The following CNOT4 variants were observed in gnomAD, a reference collection of about 807,000 sequenced individuals.
CNOT4 encodes the protein CCR4-NOT transcription complex subunit 4.
Under a neutral mutation model 73.8 loss-of-function variants are expected in CNOT4, and 8 were observed. The ratio of observed to expected loss-of-function variants is 0.11; its 90% CI spans 0.06 to 0.20. CNOT4 has a LOEUF of 0.20. CNOT4 is among the 10% of genes least tolerant of loss of function. The pLI, the probability that CNOT4 is intolerant of heterozygous loss-of-function variation, is 1.00. For missense variants in CNOT4, 564 were observed against 883.4 expected (o/e 0.64, Z 4.58); for synonymous variants, 293 against 321.1 (o/e 0.91, Z 0.94).
At chr7:135,450,306 A>C (rs976387427) in intron 1 of CNOT4, among the ~76,000 whole-genome samples, 1 of 152,148 alleles carries the variant, frequency 6.6e-6, no homozygotes, top group Non-Finnish European at 1.5e-5. Context: ...CCAGGAGGAC[A>C]GTCAGAAATT....
rs1343110124 is a variant in CNOT4 at position 135,504,738 on chromosome 7, G to A, written c.-93+5151C>T. On this transcript the variant is annotated intron_variant, in intron 1 of 11. Transcript: ENST00000541284. ...CCTGATCTCGTGATCCGCCCGCCTC[G>A]GCCTCCCAAAGTGCTGGGATTACAG... 2.6e-5 allele frequency among the ~76,000 whole-genome samples: 3 copies of A among 117,440 alleles called. 1 individual carries two copies. The highest frequency in any genetic ancestry group is 2.7e-4 in the South Asian group (1 of 3,772). The allele number at this position is 117,440 out of a possible 152,430, so 77.0% of individuals were successfully genotyped here.
At chr7:135,396,282 T>C (rs1450727774) in intron 8 of CNOT4, among the ~76,000 whole-genome samples, 1 of 151,892 alleles carries the variant, frequency 6.6e-6, no homozygotes, top group African/African-American at 2.4e-5. Context: ...CACGCCCGGC[T>C]AATTTTTTGT....
intron 6 of CNOT4, among the ~76,000 whole-genome samples, chr7:135,412,649 C>A (rs1797649238): frequency 1.3e-5 from 2 of 151,848 alleles, no homozygotes; most frequent in Non-Finnish European, 2.9e-5. Flanking sequence ...AGGTAATACT[C>A]CATTTAACAA....
At chr7:135,415,986 T>C (rs1440992244) in intron 3 of CNOT4, among the ~76,000 whole-genome samples, 1 of 152,190 alleles carries the variant, frequency 6.6e-6, no homozygotes, top group African/African-American at 2.4e-5. Flanking sequence ...GTGAACACTA[T>C]ATGCATTCTT....
At chr7:135,441,106 T>C (rs1475698857) in intron 1 of CNOT4, among the ~76,000 whole-genome samples, 2 of 152,166 alleles carry the variant, frequency 1.3e-5, no homozygotes, top group Non-Finnish European at 2.9e-5. Flanking sequence ...TGTATGCATA[T>C]ATATTTGTTT....
chr7:135,449,285 C>A (rs889540277), intron 1 of CNOT4, among the ~76,000 whole-genome samples: 9 of 152,108 alleles, frequency 5.9e-5, no homozygotes, highest in African/African-American at 2.2e-4. Context: ...TTCTGAGGTA[C>A]GTGAAATATT....
At chr7:135,388,395 C>A in intron 10 of CNOT4, 1 of 983,766 alleles carries the variant, frequency 1.0e-6, no homozygotes, top group Non-Finnish European at 1.2e-6. Flanking sequence ...TGTTAATTTG[C>A]AAATTTTTCA....
chr7:135,364,169 T>G lies in CNOT4; in HGVS notation c.1628-103A>C. 1.1e-6 allele frequency: 1 copy of G among 905,074 alleles called. No homozygotes were observed. Among genetic ancestry groups the G allele is most frequent in the Non-Finnish European group, 1.7e-6 (1 of 594,992 alleles). The allele number at this position is 905,074 out of a possible 1,614,324, so 56.1% of individuals were successfully genotyped here. On this transcript the variant is annotated intron_variant, in intron 10 of 11. Coordinates refer to ENST00000541284, the MANE Select transcript of CNOT4 (RefSeq NM_001190850.2). The surrounding 1 kb of genome is among the most constrained non-coding windows in gnomAD (Gnocchi z 4.3). ...TGGTTAAGCGGGAGAAGAATTATTC[T>G]TTCTTTATTGAGCATTTAAAATGGG...
At chr7:135,433,554 C>T (rs1233968041) in intron 2 of CNOT4, among the ~76,000 whole-genome samples, 2 of 151,520 alleles carry the variant, frequency 1.3e-5, no homozygotes, top group Non-Finnish European at 1.5e-5. Context: ...GATGAGGCCT[C>T]GCCATGTTAC....
At chr7:135,384,735 T>A (rs767784145) in intron 10 of CNOT4, 1 of 765,264 alleles carries the variant, frequency 1.3e-6, no homozygotes, top group Non-Finnish European at 2.4e-6. Context: ...GGTCTGCCTT[T>A]AAATATTTAG....
intron 1 of CNOT4, among the ~76,000 whole-genome samples, chr7:135,472,612 C>T (rs1158776993): frequency 7.9e-6 from 1 of 126,542 alleles, no homozygotes; most frequent in African/African-American, 3.0e-5. Flanking sequence ...TTAACCCTTT[C>T]GAATTGTCCC....
At chr7:135,503,429 C>T (rs1804134545) in intron 1 of CNOT4, among the ~76,000 whole-genome samples, 1 of 151,468 alleles carries the variant, frequency 6.6e-6, no homozygotes, top group South Asian at 2.1e-4. Context: ...TGCCACTGCA[C>T]TCCAGCCTGG....
chr7:135,479,903 A>C (rs775448821), intron 1 of CNOT4, among the ~76,000 whole-genome samples: 5 of 152,188 alleles, frequency 3.3e-5, no homozygotes, highest in Non-Finnish European at 7.4e-5. Flanking sequence ...AAAACAAAAC[A>C]AAACAAAAAG....
chr7:135,507,652 CCAGA>C (rs935860227), intron 1 of CNOT4, among the ~76,000 whole-genome samples: 8 of 152,270 alleles, frequency 5.3e-5, no homozygotes, highest in South Asian at 4.2e-4. Flanking sequence ...CTCCCTTCTA[CCAGA>C]CAAACAATCC....
intron 10 of CNOT4, among the ~76,000 whole-genome samples, chr7:135,372,508 G>C (rs1484798834): frequency 6.6e-6 from 1 of 151,794 alleles, no homozygotes; most frequent in Non-Finnish European, 1.5e-5. Context: ...AACTTCAGTA[G>C]GTACTGTATG....
At chr7:135,433,591 CA>C (rs1247240618) in intron 2 of CNOT4, among the ~76,000 whole-genome samples, 1 of 152,068 alleles carries the variant, frequency 6.6e-6, no homozygotes, top group Admixed American at 6.6e-5. Context: ...CTCCTAACCT[CA>C]AACAATCCTC....
At chr7:135,487,849 C>A (rs530465151) in intron 1 of CNOT4, among the ~76,000 whole-genome samples, 1 of 152,216 alleles carries the variant, frequency 6.6e-6, no homozygotes, top group Middle Eastern at 3.4e-3. Flanking sequence ...GTCAGGAGAT[C>A]GAGACCACCC....
chr7:135,495,755 A>C (rs1585734258), intron 1 of CNOT4, among the ~76,000 whole-genome samples: 1 of 136,360 alleles, frequency 7.3e-6, no homozygotes, highest in Non-Finnish European at 1.6e-5. Flanking sequence ...AGAAAGAAAG[A>C]AAGAAAGAAA....
chr7:135,395,681 G>C lies in CNOT4; in HGVS notation c.1082C>G (p.Ser361Cys). Residue 361 changes from serine (S) to cysteine (C), a missense_variant, in exon 9 of 12, where the codon TCC becomes TGC. By Grantham distance (112) the Ser-to-Cys change is moderately radical (BLOSUM62 -1). Transcript: ENST00000541284. ...LPPFPSSPQT[S>C]SDWPTAPEPQ... ...TTCTGGTGCTGTAGGCCAGTCACTG[G>C]ATGTCTGTGGGGAGCTGGGGAAAGG... 6.2e-7 allele frequency: 1 copy of C among 1,614,152 alleles called. No homozygotes were observed. Among genetic ancestry groups the C allele is most frequent in the Non-Finnish European group, 8.5e-7 (1 of 1,180,004 alleles).
Sources: gnomAD v4.1 joint callset for allele counts (sites outside exome capture counted in the v4.1 genomes callset) on GRCh38, gnomAD v4.1.1 for gene constraint, Gnocchi (gnomAD v3.1) non-coding constraint, MANE v1.5 for transcripts, NCBI Gene and HGNC (gene_info 2026-07-23, HGNC 2026-07-21) for gene names.